Variants in ARFGEF1 observed in about 807,000 individuals in gnomAD.
ARFGEF1 encodes the protein brefeldin A-inhibited guanine nucleotide-exchange protein 1.
Under a neutral mutation model 231.0 loss-of-function variants are expected in ARFGEF1, and 42 were observed. The observed-to-expected ratio is 0.18, with a 90% confidence interval of 0.14 to 0.24. The LOEUF (loss-of-function observed/expected upper bound fraction) is 0.24, where lower values mean the gene tolerates loss of function less well. Ranked by LOEUF, ARFGEF1 falls within the 10% of genes least tolerant of loss-of-function variation. ARFGEF1 has a pLI of 1.00. For synonymous variants in ARFGEF1, 710 were observed against 732.3 expected (o/e 0.97, Z 0.49); for missense variants, 1,345 against 2,192.0 (o/e 0.61, Z 7.72).
chr8:67,185,029 C>G (rs1157239697), intron 5 of ARFGEF1, among the ~76,000 whole-genome samples: 1 of 149,058 alleles, frequency 6.7e-6, no homozygotes, highest in African/African-American at 2.5e-5. Context: ...GGCGTGAACC[C>G]GGGAGGCGGA....
intron 5 of ARFGEF1, among the ~76,000 whole-genome samples, chr8:67,192,154 C>G (rs778334171): frequency 6.6e-6 from 1 of 151,440 alleles, no homozygotes; most frequent in Non-Finnish European, 1.5e-5. Flanking sequence ...TGCACTGCAC[C>G]CTCTGCCCCA....
intron 14 of ARFGEF1, among the ~76,000 whole-genome samples, chr8:67,264,846 C>T (rs1804784859): frequency 6.6e-6 from 1 of 152,178 alleles, no homozygotes; most frequent in South Asian, 2.1e-4. Flanking sequence ...CTGTACGACA[C>T]TCTTTTATAA....
At chr8:67,173,841 CTGTT>C (rs1464645695), downstream of ARFGEF1, 7 of 152,308 alleles carry the variant, frequency 4.6e-5, no homozygotes, top group Middle Eastern at 3.4e-3. Flanking sequence ...GAAGTCAAAA[CTGTT>C]TGTATTATAA....
intron 5 of ARFGEF1, among the ~76,000 whole-genome samples, chr8:67,293,148 T>C (rs1806081610): frequency 6.6e-6 from 1 of 152,132 alleles, no homozygotes. Flanking sequence ...TTCCCCTTAT[T>C]TTCTCTCCCT....
chr8:67,193,564 G>GC, downstream of ARFGEF1: 1 of 1,613,748 alleles, frequency 6.2e-7, no homozygotes, highest in Non-Finnish European at 8.5e-7. Context: ...GAACGAATGC[G>GC]AAGACTGAAT....
At chr8:67,293,386 AG>A in intron 5 of ARFGEF1, among the ~76,000 whole-genome samples, 1 of 152,286 alleles carries the variant, frequency 6.6e-6, no homozygotes, top group Non-Finnish European at 1.5e-5. Flanking sequence ...CTTAATAAAA[AG>A]TCTGTTAATC....
chr8:67,177,712 C>T lies in ARFGEF1; in HGVS notation c.561-2140G>A, dbSNP rs200881715. On this transcript the variant is annotated intron_variant, in intron 5 of 5. Coordinates refer to the ARFGEF1 transcript ENST00000518789. ...AGATGCCATCCCAAGTGCTAAAGTA[C>T]GAGAGCAAAGAATGGTAAGCAACCA... 22 of 1,611,142 alleles carry T rather than the reference C, an allele frequency of 1.4e-5. No homozygotes were observed. The highest frequency in any genetic ancestry group is 8.9e-5 in the East Asian group (4 of 44,802).
chr8:67,339,079 T>C (rs752628376), intron 1 of ARFGEF1, among the ~76,000 whole-genome samples: 49 of 152,190 alleles, frequency 3.2e-4, no homozygotes, highest in Admixed American at 7.2e-4. Context: ...TGAGTCTCAA[T>C]ATTGTATCTC....
chr8:67,216,410 C>T (rs1838934381), intron 33 of ARFGEF1, among the ~76,000 whole-genome samples, 180 bp downstream of exon 33: 1 of 151,964 alleles, frequency 6.6e-6, no homozygotes, highest in African/African-American at 2.4e-5. Context: ...GACACTTGAT[C>T]ATACAATTCC....
At chr8:67,328,598 T>C (rs1807949698) in intron 1 of ARFGEF1, among the ~76,000 whole-genome samples, 1 of 152,220 alleles carries the variant, frequency 6.6e-6, no homozygotes, top group Non-Finnish European at 1.5e-5. Flanking sequence ...CTTTTAGCTT[T>C]TCATTCCTCC....
At chr8:67,256,506 C>T (rs1008152075) in intron 17 of ARFGEF1, among the ~76,000 whole-genome samples, 1 of 152,074 alleles carries the variant, frequency 6.6e-6, no homozygotes. Context: ...CCCTATACTG[C>T]AAAGGTTAAT....
At chr8:67,227,906 C>T in intron 25 of ARFGEF1, 57 bp downstream of exon 25, 1 of 1,371,508 alleles carries the variant, frequency 7.3e-7, no homozygotes, top group East Asian at 2.5e-5. Context: ...ATTACAAGGA[C>T]ATTCTAAACA....
chr8:67,264,497 G>A (rs1485063459), intron 14 of ARFGEF1, among the ~76,000 whole-genome samples: 3 of 151,986 alleles, frequency 2.0e-5, no homozygotes, highest in African/African-American at 4.8e-5. Flanking sequence ...TTTTGTTTTG[G>A]GTAGGAGAAC....
intron 4 of ARFGEF1, among the ~76,000 whole-genome samples, 194 bp from the exon 5 acceptor site, chr8:67,296,804 C>CCA (rs933437590): frequency 6.6e-6 from 1 of 151,988 alleles, no homozygotes; most frequent in Non-Finnish European, 1.5e-5. Context: ...GTGAGCACCA[C>CCA]CACACCCGGC....
intron 1 of ARFGEF1, among the ~76,000 whole-genome samples, chr8:67,341,944 C>G (rs527695344): frequency 1.6e-3 from 241 of 151,802 alleles, no homozygotes; most frequent in African/African-American, 5.6e-3. Flanking sequence ...TTCATATTAC[C>G]AATTTTAACG....
intron 28 of ARFGEF1, among the ~76,000 whole-genome samples, chr8:67,225,738 GTTTC>G (rs750608081): frequency 2.6e-5 from 4 of 152,040 alleles, no homozygotes; most frequent in South Asian, 2.1e-4. Context: ...CTGTGCCTCA[GTTTC>G]TTTGTCTGTA....
At chr8:67,300,660 C>CAAAA (rs200434355) in intron 3 of ARFGEF1, among the ~76,000 whole-genome samples, 2 of 88,664 alleles carry the variant, frequency 2.3e-5, no homozygotes, top group East Asian at 3.1e-4. Flanking sequence ...CTTGTCTCTT[C>CAAAA]AAAAAAAAAA....
At chr8:67,206,920 G>A (rs1191577581) in intron 34 of ARFGEF1, among the ~76,000 whole-genome samples, 1 of 152,184 alleles carries the variant, frequency 6.6e-6, no homozygotes, top group East Asian at 1.9e-4. Context: ...CTAATGTGTG[G>A]AAGACAAATT....
intron 1 of ARFGEF1, among the ~76,000 whole-genome samples, chr8:67,310,912 T>C (rs1223245310): frequency 6.0e-5 from 9 of 150,122 alleles, no homozygotes; most frequent in Non-Finnish European, 1.2e-4. Flanking sequence ...AGCCACCCCA[T>C]CTGGGAAGTG....
Sources: allele counts gnomAD v4.1 joint callset (sites outside exome capture counted in the v4.1 genomes callset), GRCh38; gene constraint gnomAD v4.1.1; transcripts MANE v1.5; gene names NCBI Gene and HGNC (gene_info 2026-07-23, HGNC 2026-07-21).